HMG20A: variants seen among roughly 807,000 people sequenced by gnomAD.
HMG20A encodes the protein high mobility group 20A.
In HMG20A, 17 loss-of-function variants were observed where a neutral mutation model predicts 43.9. The observed-to-expected ratio is 0.39, with a 90% CI of 0.27 to 0.58. The LOEUF is 0.58. Ranked by LOEUF, HMG20A falls within the 20% of genes least tolerant of loss-of-function variation. HMG20A has a pLI of 0.59. For missense variants in HMG20A, 341 were observed against 438.2 expected (o/e 0.78, Z 1.98); for synonymous variants, 132 against 147.5 (o/e 0.89, Z 0.76).
chr15:77,479,170 T>G lies in HMG20A; in HGVS notation c.908-9T>G, dbSNP rs1490134896. ...AGGATTTTCTTACTTTCTTCTTATC[T>G]CACTTCAGGAAGTGGAGAGACACCT... On this transcript the variant is annotated splice_polypyrimidine_tract_variant and intron_variant, in intron 8 of 9. Transcript: ENST00000336216. 2 of 1,612,930 alleles carry G rather than the reference T, an allele frequency of 1.2e-6. No individual in the cohort carries two copies. Among genetic ancestry groups the G allele is most frequent in the Admixed American group, 3.3e-5 (2 of 59,974 alleles).
chr15:77,457,934 C>A (rs1305896817), intron 1 of HMG20A, among the ~76,000 whole-genome samples: 1 of 152,130 alleles, frequency 6.6e-6, no homozygotes, highest in East Asian at 1.9e-4. Context: ...GCACTTACTA[C>A]CTTAGATTTT....
intron 2 of HMG20A, among the ~76,000 whole-genome samples, chr15:77,459,394 C>T (rs553039831): frequency 1.3e-5 from 2 of 152,134 alleles, no homozygotes; most frequent in African/African-American, 4.8e-5. Flanking sequence ...AATCATAGGC[C>T]TTTTAAAGTT....
At chr15:77,498,975 T>C in the HMG20A span, among the ~76,000 whole-genome samples, 1 of 152,232 alleles carries the variant, frequency 6.6e-6, no homozygotes, top group African/African-American at 2.4e-5. Context: ...GGCATTCTAC[T>C]CTTGGGAAGA....
chr15:77,517,293 G>T, the HMG20A span, among the ~76,000 whole-genome samples: 2 of 152,214 alleles, frequency 1.3e-5, no homozygotes, highest in African/African-American at 4.8e-5. Flanking sequence ...GGATCTCGTG[G>T]TCTACATGGG....
chr15:77,445,732 G>A (rs764588795), intron 1 of HMG20A, among the ~76,000 whole-genome samples: 3 of 152,096 alleles, frequency 2.0e-5, no homozygotes, highest in Non-Finnish European at 4.4e-5. Flanking sequence ...TGCGACAGTC[G>A]ATCCAATAAC....
At chr15:77,450,536 C>A (rs1252759861) in intron 1 of HMG20A, among the ~76,000 whole-genome samples, 1 of 152,190 alleles carries the variant, frequency 6.6e-6, no homozygotes, top group African/African-American at 2.4e-5. Flanking sequence ...TTTGGCATCA[C>A]CATTATTCCT....
chr15:77,514,081 T>C, the HMG20A span, among the ~76,000 whole-genome samples: 731 of 152,266 alleles, frequency 4.8e-3, 5 homozygotes, highest in African/African-American at 0.016. Context: ...TGGTCCTGTC[T>C]CCAAATACAG....
At chr15:77,513,639 G>T in the HMG20A span, among the ~76,000 whole-genome samples, 2 of 151,994 alleles carry the variant, frequency 1.3e-5, no homozygotes, top group African/African-American at 4.8e-5. Context: ...TCCTCAAATG[G>T]CCCACTTGGT....
chr15:77,493,705 G>A, the HMG20A span, among the ~76,000 whole-genome samples: 9 of 152,158 alleles, frequency 5.9e-5, no homozygotes, highest in Non-Finnish European at 8.8e-5. Flanking sequence ...CAGCCATTTT[G>A]GTGGTGGAAG....
At chr15:77,445,524 T>G (rs1467966779) in intron 1 of HMG20A, among the ~76,000 whole-genome samples, 2 of 152,212 alleles carry the variant, frequency 1.3e-5, no homozygotes, top group African/African-American at 2.4e-5. Flanking sequence ...CTTCACAATT[T>G]CACAGATTTA....
intron 1 of HMG20A, among the ~76,000 whole-genome samples, chr15:77,436,165 T>C (rs1004905651): frequency 2.0e-5 from 3 of 152,194 alleles, no homozygotes; most frequent in Non-Finnish European, 4.4e-5. Context: ...GAGTATTCCT[T>C]ATCTCCATAA....
In HMG20A at chr15:77,467,459, C is replaced by T; in HGVS notation, c.450+152C>T. ...TAGCAGGGTCCATCATAGCAATTTT[C>T]TCTAGCCTAGTGATTTTTAAACTAT... On this transcript the variant is annotated intron_variant, in intron 4 of 9. Coordinates refer to ENST00000336216, the MANE Select transcript of HMG20A (RefSeq NM_001304504.2). The T allele has an allele frequency of 6.1e-6, 4 of 656,520 alleles. No individual in the cohort carries two copies. The South Asian group carries it at 7.8e-5, about 13-fold the overall frequency. The allele number at this position is 656,520 out of a possible 1,614,324, so 40.7% of individuals were successfully genotyped here.
the HMG20A span, among the ~76,000 whole-genome samples, chr15:77,498,761 G>T: frequency 6.6e-6 from 1 of 152,140 alleles, no homozygotes; most frequent in Admixed American, 6.5e-5. Flanking sequence ...ATTTTCCTGG[G>T]TTCTACAAAG....
Position 77,478,372 on chromosome 15 carries a change from G to T in HMG20A, c.769G>T (p.Val257Leu), listed in dbSNP as rs750449982. The T allele has an allele frequency of 1.2e-6, 2 of 1,613,686 alleles. No individual in the cohort carries two copies. The highest frequency in any genetic ancestry group is 4.5e-5 in the East Asian group (2 of 44,892). Residue 257 changes from valine (V) to leucine (L), a missense_variant, in exon 8 of 10, where the codon GTG (valine) becomes TTG (leucine). Transcript: ENST00000336216. ...GAGGAATGCAGCCCTGCAAAAGCAC[G>T]TGGAGAGCATGCGCACAGCAGTGGA... ...EERNAALQKH[V>L]ESMRTAVEKL...
intron 1 of HMG20A, among the ~76,000 whole-genome samples, chr15:77,442,114 A>G (rs2073619279): frequency 6.6e-6 from 1 of 152,220 alleles, no homozygotes; most frequent in Admixed American, 6.5e-5. Context: ...AAGAATGTAC[A>G]TATAACAACC....
intron 2 of HMG20A, among the ~76,000 whole-genome samples, chr15:77,463,331 A>T (rs1213166900): frequency 6.6e-6 from 1 of 152,126 alleles, no homozygotes; most frequent in Non-Finnish European, 1.5e-5. Flanking sequence ...TGGTACTTTT[A>T]ACAAGCCATT....
chr15:77,484,032 A>G lies in HMG20A; in HGVS notation c.*1069A>G, dbSNP rs946845670. On this transcript the variant is annotated 3_prime_UTR_variant, in exon 10 of 10. Transcript: ENST00000336216. ...CATTAACTGCTGAATCCATGTGAGG[A>G]AGACAGGCTTCCCTTCCTTCCCCCT... 1.3e-5 allele frequency: 2 copies of G among 152,230 alleles called. No individual in the cohort carries two copies. Among genetic ancestry groups the G allele is most frequent in the Admixed American group, 6.5e-5 (1 of 15,282 alleles). 9.4% of individuals were successfully genotyped at this position (152,230 alleles called of 1,614,324 possible).
the HMG20A span, among the ~76,000 whole-genome samples, chr15:77,499,702 TCTAA>T: frequency 2.6e-5 from 4 of 152,232 alleles, no homozygotes; most frequent in African/African-American, 9.6e-5. Flanking sequence ...ATAATAGCCT[TCTAA>T]CTAGACTTAG....
chr15:77,509,614 G>T, the HMG20A span, among the ~76,000 whole-genome samples: 1 of 143,320 alleles, frequency 7.0e-6, no homozygotes, highest in South Asian at 2.3e-4. Flanking sequence ...GTGTCTTAAA[G>T]AACTATCCAG....
Sources: gnomAD v4.1 joint callset for allele counts (sites outside exome capture counted in the v4.1 genomes callset) on GRCh38, gnomAD v4.1.1 for gene constraint, MANE v1.5 for transcripts, NCBI Gene and HGNC (gene_info 2026-07-23, HGNC 2026-07-21) for gene names.